Variants in UBE2V1 observed in about 807,000 individuals in gnomAD.
UBE2V1 encodes ubiquitin conjugating enzyme E2 V1.
A neutral mutation model predicts 19.6 loss-of-function variants in UBE2V1; 15 were observed. The observed-to-expected ratio is 0.77, with a 90% CI of 0.51 to 1.18. The LOEUF (loss-of-function observed/expected upper bound fraction) is 1.18. UBE2V1 is among the 50% of genes most tolerant of loss of function. The pLI is 0.00. For synonymous variants in UBE2V1, 60 were observed against 60.7 expected, an observed-to-expected ratio of 0.99 and a Z score of 0.05; for missense variants, 125 against 184.8, an observed-to-expected ratio of 0.68 and a Z score of 1.88.
intron 1 of UBE2V1, among the ~76,000 whole-genome samples, chr20:50,112,562 T>C (rs2080828043): frequency 6.6e-6 from 1 of 152,094 alleles, no homozygotes; most frequent in Admixed American, 6.5e-5. Flanking sequence ...TAACCCCATC[T>C]CTAAAACTAA....
chr20:50,096,535 C>A (rs1458289985), intron 2 of UBE2V1, 137 bp downstream of exon 2: 5 of 1,579,466 alleles, frequency 3.2e-6, no homozygotes, highest in Non-Finnish European at 1.7e-6. Flanking sequence ...TAAACTGAAA[C>A]TGGTCAAAAA....
chr20:50,105,715 G>A (rs969086132), intron 1 of UBE2V1, among the ~76,000 whole-genome samples: 13 of 152,094 alleles, frequency 8.5e-5, no homozygotes, highest in African/African-American at 2.4e-4. Flanking sequence ...TTGAGAGGCC[G>A]AGGTGGGAGT....
intron 1 of UBE2V1, chr20:50,098,945 GCTATA>G: frequency 6.1e-6 from 6 of 985,406 alleles, no homozygotes; most frequent in Non-Finnish European, 6.0e-6. Context: ...GGATTATTCA[GCTATA>G]CTGGATTAAG....
At chr20:50,100,705 CT>C (rs1038836845) in intron 1 of UBE2V1, among the ~76,000 whole-genome samples, 10 of 152,160 alleles carry the variant, frequency 6.6e-5, no homozygotes, top group Non-Finnish European at 1.5e-4. Context: ...TTGAGTTGCT[CT>C]TTTTGGCAAG....
chr20:50,106,864 AC>A (rs1601136104), intron 1 of UBE2V1, among the ~76,000 whole-genome samples: 3 of 95,020 alleles, frequency 3.2e-5, no homozygotes, highest in South Asian at 6.4e-4. Context: ...AACAACAACA[AC>A]AACAACAACA....
Position 50,096,384 on chromosome 20 carries a change from A to T in UBE2V1, c.171+288T>A, listed in dbSNP as rs748893100. The T allele has an allele frequency of 9.2e-6, 5 of 540,556 alleles. No homozygotes were observed. In the Admixed American group the frequency reaches 1.1e-4, roughly 11 times the overall value. 33.5% of individuals were successfully genotyped at this position (540,556 alleles called of 1,614,324 possible). ...GCCTAGTTATTTGGTTAGCCCAGAG[A>T]TTGTTCTGAACGACATCTGATGGTG... On this transcript the variant is annotated intron_variant, in intron 2 of 3. Coordinates refer to ENST00000371674, the MANE Select transcript of UBE2V1 (RefSeq NM_001032288.3).
upstream of UBE2V1, chr20:50,113,196 T>TGCGCAGGCGCGC: frequency 1.8e-6 from 2 of 1,110,432 alleles, no homozygotes; most frequent in Non-Finnish European, 2.3e-6. Context: ...CCGGCCCTGA[T>TGCGCAGGCGCGC]GCGCAGGCGC....
intron 1 of UBE2V1, among the ~76,000 whole-genome samples, chr20:50,097,775 C>A (rs1392623543): frequency 6.6e-6 from 1 of 152,152 alleles, no homozygotes; most frequent in Non-Finnish European, 1.5e-5. Flanking sequence ...TCTCAATTGG[C>A]CAGACTCTCA....
chr20:50,086,090 C>T (rs1404896216), intron 2 of UBE2V1, among the ~76,000 whole-genome samples: 1 of 152,216 alleles, frequency 6.6e-6, no homozygotes, highest in Non-Finnish European at 1.5e-5. Context: ...TGGCTTAACC[C>T]TCTGATGGCT....
At chr20:50,111,449 G>C in intron 1 of UBE2V1, 1 of 1,000,318 alleles carries the variant, frequency 1.0e-6, no homozygotes, top group Non-Finnish European at 1.2e-6. Context: ...GACCCGGTAG[G>C]AGTGTTATTC....
intron 1 of UBE2V1, among the ~76,000 whole-genome samples, chr20:50,103,848 T>C (rs932507231): frequency 6.6e-6 from 1 of 151,784 alleles, no homozygotes; most frequent in African/African-American, 2.4e-5. Flanking sequence ...CATTTGATTT[T>C]CTTCCTTTTT....
At chr20:50,094,160 T>G (rs2079446359) in intron 2 of UBE2V1, among the ~76,000 whole-genome samples, 1 of 133,328 alleles carries the variant, frequency 7.5e-6, no homozygotes, top group Non-Finnish European at 1.6e-5. Context: ...TAATTATATG[T>G]AATATATATT....
In UBE2V1 at chr20:50,109,312, G is replaced by A. The variant is rs573943809; in HGVS notation, c.22+3795C>T. Among the ~76,000 whole-genome samples the A allele has an allele frequency of 2.0e-5, 3 of 152,118 alleles. No individual in the cohort carries two copies. In the South Asian group the frequency reaches 6.2e-4, roughly 32 times the overall value. Reference sequence around the variant, plus strand: ...TGTATTCTACTTTTACCAAATTACTGCAGAGCTACAATTTGTGGGGAGGTG... The same window carrying A: ...TGTATTCTACTTTTACCAAATTACTACAGAGCTACAATTTGTGGGGAGGTG... On this transcript the variant is annotated intron_variant, in intron 1 of 3. Transcript: ENST00000371674.
rs777856476 is a variant in UBE2V1, at chr20:50,082,920, A to C, written c.298-6T>G. On this transcript the variant is annotated splice_polypyrimidine_tract_variant and splice_region_variant and intron_variant, in intron 3 of 3. Coordinates refer to ENST00000371674, the MANE Select transcript of UBE2V1 (RefSeq NM_001032288.3). ...GATATGGCTCTTGGGTCCACCTACA[A>C]CAAGGCAAACAAAAGCAAATTACTC... 10 of 1,601,978 alleles carry C rather than the reference A, an allele frequency of 6.2e-6. No individual in the cohort carries two copies. Among genetic ancestry groups the C allele is most frequent in the Non-Finnish European group, 6.8e-6 (8 of 1,178,780 alleles).
chr20:50,084,215 A>G lies in UBE2V1; in HGVS notation c.211T>C (p.Cys71Arg). ...ENRIYSLKIE[C>R]GPKYPEAPPF... ...GGTGCTTCTGGGTATTTAGGTCCACATTCTATTTTAAGGCTGTATATTCGG... is the reference window on the plus strand; with the variant it reads ...GGTGCTTCTGGGTATTTAGGTCCACGTTCTATTTTAAGGCTGTATATTCGG... Residue 71 changes from cysteine (C) to arginine (R), a missense_variant, in exon 3 of 4, where the codon TGT becomes CGT. Transcript: ENST00000371674. The G allele has an allele frequency of 6.2e-7, 1 of 1,611,960 alleles. No homozygotes were observed. Among genetic ancestry groups the G allele is most frequent in the Non-Finnish European group, 8.5e-7 (1 of 1,179,486 alleles).
chr20:50,088,567 C>T (rs879413682), intron 2 of UBE2V1, among the ~76,000 whole-genome samples: 8 of 152,146 alleles, frequency 5.3e-5, no homozygotes, highest in African/African-American at 7.2e-5. Context: ...AGGAGGACTG[C>T]GTGAGCCCAG....
At chr20:50,097,586 G>GGA (rs1193550393) in intron 1 of UBE2V1, among the ~76,000 whole-genome samples, 2 of 152,178 alleles carry the variant, frequency 1.3e-5, no homozygotes, top group Non-Finnish European at 2.9e-5. Flanking sequence ...GGCTATGGGA[G>GGA]GAGAGAGAGA....
chr20:50,107,550 G>A (rs781425407), intron 1 of UBE2V1, among the ~76,000 whole-genome samples: 2 of 152,176 alleles, frequency 1.3e-5, no homozygotes, highest in African/African-American at 4.8e-5. Flanking sequence ...TTAATTCTAC[G>A]ATCAAGTACC....
At chr20:50,093,992 A>T (rs6125893) in intron 2 of UBE2V1, among the ~76,000 whole-genome samples, 10,555 of 90,450 alleles carry the variant, frequency 0.12, 407 homozygotes, top group African/African-American at 0.21. Flanking sequence ...CAACTCAAAA[A>T]AAAAAAAAAA....
Sources: gnomAD v4.1 joint callset for allele counts (sites outside exome capture counted in the v4.1 genomes callset) on GRCh38, gnomAD v4.1.1 for gene constraint, MANE v1.5 for transcripts, NCBI Gene and HGNC (gene_info 2026-07-23, HGNC 2026-07-21) for gene names.